The following TRABD2B variants were observed in gnomAD, a reference collection of about 807,000 sequenced individuals.
TRABD2B encodes the protein metalloprotease TIKI2.
Under a neutral mutation model 40.1 loss-of-function variants are expected in TRABD2B, and 14 were observed. That is an observed-to-expected ratio of 0.35 (90% CI 0.23 to 0.55). The LOEUF is 0.55. Among genes scored for constraint, TRABD2B ranks in the 20% least tolerant of loss-of-function variants. TRABD2B has a pLI of 0.90. For synonymous variants in TRABD2B, 263 were observed against 277.0 expected, an observed-to-expected ratio of 0.95 and a Z score of 0.50; for missense variants, 541 against 648.6, an observed-to-expected ratio of 0.83 and a Z score of 1.80.
At chr1:47,773,730 G>A (rs1569887326) in intron 6 of TRABD2B, among the ~76,000 whole-genome samples, 2 of 152,256 alleles carry the variant, frequency 1.3e-5, no homozygotes, top group Middle Eastern at 3.4e-3. Flanking sequence ...CCCAGTCTCG[G>A]GTATGTCTTT....
At chr1:47,896,113 C>T (rs772499315) in intron 2 of TRABD2B, among the ~76,000 whole-genome samples, 2 of 152,258 alleles carry the variant, frequency 1.3e-5, no homozygotes, top group Non-Finnish European at 2.9e-5. Context: ...CCCCTGCTGG[C>T]CCCTCCAAAC....
chr1:47,966,948 T>TAAAATAAAATAAAATA (rs1006887179), intron 2 of TRABD2B, among the ~76,000 whole-genome samples: 3 of 151,580 alleles, frequency 2.0e-5, no homozygotes, highest in African/African-American at 7.3e-5. Context: ...TAAAATAAAA[T>TAAAATAAAATAAAATA]AATCGGGTCA....
intron 2 of TRABD2B, among the ~76,000 whole-genome samples, chr1:47,814,024 T>TG (rs1457399607): frequency 6.6e-6 from 1 of 152,210 alleles, no homozygotes; most frequent in African/African-American, 2.4e-5. Context: ...CCAGCAAATG[T>TG]GGGGGACCAC....
intron 4 of TRABD2B, among the ~76,000 whole-genome samples, chr1:47,781,466 G>A (rs1050045147): frequency 4.6e-5 from 7 of 152,220 alleles, no homozygotes; most frequent in African/African-American, 1.7e-4. Flanking sequence ...AGGCCTCACC[G>A]GATGCCCACT....
At chr1:47,942,134 G>A (rs555082720) in intron 2 of TRABD2B, among the ~76,000 whole-genome samples, 2 of 152,220 alleles carry the variant, frequency 1.3e-5, no homozygotes, top group East Asian at 3.9e-4. Context: ...CTGCATTATG[G>A]TCTCTCTGAA....
chr1:47,953,121 T>C (rs1465536956), intron 2 of TRABD2B, among the ~76,000 whole-genome samples: 4 of 152,112 alleles, frequency 2.6e-5, no homozygotes, highest in Non-Finnish European at 5.9e-5. Flanking sequence ...CAGTGCATAA[T>C]TGAAAAATGC....
At chr1:47,839,872 G>A (rs1054188387) in intron 2 of TRABD2B, among the ~76,000 whole-genome samples, 4 of 152,166 alleles carry the variant, frequency 2.6e-5, no homozygotes, top group Non-Finnish European at 2.9e-5. Flanking sequence ...TAAAGTTGAG[G>A]GTGGGGAGCT....
chr1:47,915,765 A>T (rs528764092), intron 2 of TRABD2B, among the ~76,000 whole-genome samples: 9 of 152,298 alleles, frequency 5.9e-5, no homozygotes, highest in Admixed American at 4.6e-4. Context: ...TGTCAGTCAC[A>T]GCCTCCTGTC....
chr1:47,853,454 A>G (rs1643856680), intron 2 of TRABD2B, among the ~76,000 whole-genome samples: 1 of 152,096 alleles, frequency 6.6e-6, no homozygotes, highest in South Asian at 2.1e-4. Context: ...GTGGTCACTG[A>G]ACTTGGAGGC....
chr1:47,770,767 T>G (rs1158467916), intron 6 of TRABD2B, among the ~76,000 whole-genome samples: 1 of 152,194 alleles, frequency 6.6e-6, no homozygotes, highest in Non-Finnish European at 1.5e-5. Flanking sequence ...CTGGGGGAAG[T>G]TCACAGCACC....
At position 47,813,981 on chromosome 1, in the gene TRABD2B, G is replaced by T. The variant is rs1232864308; in HGVS notation, c.667-12362C>A. ...AGATCAAGTAACATTCATTAAGGCT[G>T]GGGCTAAGGGATGGACAAGGTGCTG... On this transcript the variant is annotated intron_variant, in intron 2 of 6. Coordinates refer to ENST00000606738, the MANE Select transcript of TRABD2B (RefSeq NM_001194986.2). The surrounding 1 kb of genome is among the most constrained non-coding windows in gnomAD (Gnocchi z 4.3). 2.0e-5 allele frequency among the ~76,000 whole-genome samples: 3 copies of T among 152,250 alleles called. No homozygotes were observed. The highest frequency in any genetic ancestry group is 1.5e-5 in the Non-Finnish European group (1 of 68,036).
intron 2 of TRABD2B, among the ~76,000 whole-genome samples, chr1:47,887,746 G>A (rs1427343425): frequency 6.6e-6 from 1 of 152,136 alleles, no homozygotes; most frequent in African/African-American, 2.4e-5. Flanking sequence ...GCGAAGAAAG[G>A]GTGTAAATCA....
At chr1:47,967,223 G>A (rs990479973) in intron 2 of TRABD2B, among the ~76,000 whole-genome samples, 2 of 151,964 alleles carry the variant, frequency 1.3e-5, no homozygotes, top group Non-Finnish European at 1.5e-5. Context: ...CACTAAGCAG[G>A]GCCATAAAAA....
At chr1:47,955,613 C>T (rs1645408153) in intron 2 of TRABD2B, among the ~76,000 whole-genome samples, 1 of 152,170 alleles carries the variant, frequency 6.6e-6, no homozygotes, top group African/African-American at 2.4e-5. Flanking sequence ...CCACCTGAAT[C>T]TCCCCTTGAT....
At chr1:47,798,282 G>A (rs190996774) in intron 3 of TRABD2B, among the ~76,000 whole-genome samples, 1 of 152,318 alleles carries the variant, frequency 6.6e-6, no homozygotes, top group African/African-American at 2.4e-5. Context: ...AGAGGAGATT[G>A]CTCCATGCCT....
At position 47,997,149 on chromosome 1, in the gene TRABD2B, G is replaced by C. The variant is rs1046047660; in HGVS notation, c.-360C>G. 242 of 984,078 alleles carry C rather than the reference G, an allele frequency of 2.5e-4. No individual in the cohort carries two copies. Among genetic ancestry groups the C allele is most frequent in the Non-Finnish European group, 2.8e-4 (232 of 829,490 alleles). 61.0% of individuals were successfully genotyped at this position (984,078 alleles called of 1,614,324 possible). On this transcript the variant is annotated 5_prime_UTR_variant, in exon 1 of 7. Coordinates refer to ENST00000606738, the MANE Select transcript of TRABD2B (RefSeq NM_001194986.2). ...TCCTGGGGCAGAACCGAGAACCCGG[G>C]GTGCGCAAGGGTCCCGGGGTTATGC...
intron 2 of TRABD2B, among the ~76,000 whole-genome samples, chr1:47,948,520 C>T (rs149519030): frequency 6.1e-4 from 93 of 152,264 alleles, no homozygotes; most frequent in African/African-American, 2.1e-3. Flanking sequence ...CAGATTTAAA[C>T]CTCGAATGTC....
chr1:47,903,576 C>T (rs922971775), intron 2 of TRABD2B, among the ~76,000 whole-genome samples: 3 of 152,054 alleles, frequency 2.0e-5, no homozygotes, highest in Non-Finnish European at 2.9e-5. Context: ...GTGGGAGTTT[C>T]CTGCGGGGTG....
chr1:47,793,679 C>T (rs1378487161), intron 4 of TRABD2B, among the ~76,000 whole-genome samples: 1 of 152,236 alleles, frequency 6.6e-6, no homozygotes, highest in Non-Finnish European at 1.5e-5. Flanking sequence ...AAATAAATGT[C>T]TGTTGCTGTC....
Sources: allele counts gnomAD v4.1 joint callset (sites outside exome capture counted in the v4.1 genomes callset), GRCh38; gene constraint gnomAD v4.1.1; non-coding constraint Gnocchi (gnomAD v3.1); transcripts MANE v1.5; gene names NCBI Gene and HGNC (gene_info 2026-07-23, HGNC 2026-07-21).